Variants in MAP3K9 observed in about 807,000 individuals in gnomAD.
The protein encoded by MAP3K9 is mixed lineage kinase 1 (tyr and ser/thr specificity).
MAP3K9 carries 46 observed loss-of-function variants against 95.8 expected under a neutral mutation model. That is an observed-to-expected ratio of 0.48 (90% confidence interval 0.38 to 0.61). The LOEUF is 0.61. Ranked by LOEUF, MAP3K9 falls within the 20% of genes least tolerant of loss-of-function variation. MAP3K9 has a pLI of 0.00. For missense variants in MAP3K9, 1,296 were observed against 1,474.3 expected (o/e 0.88, Z 1.98); for synonymous variants, 533 against 593.8 (o/e 0.90, Z 1.49).
chr14:70,792,648 G>C (rs2054819357), intron 2 of MAP3K9, among the ~76,000 whole-genome samples: 1 of 152,218 alleles, frequency 6.6e-6, no homozygotes, highest in South Asian at 2.1e-4. Context: ...CTGAGCCTTA[G>C]CTGCTTCCTC....
At chr14:70,757,865 T>C (rs895098774) in intron 3 of MAP3K9, among the ~76,000 whole-genome samples, 2 of 152,150 alleles carry the variant, frequency 1.3e-5, no homozygotes, top group African/African-American at 4.8e-5. Flanking sequence ...AATAATAAAG[T>C]TGGACCCCTA....
chr14:70,793,325 A>G (rs1198641439), intron 2 of MAP3K9, among the ~76,000 whole-genome samples: 1 of 152,232 alleles, frequency 6.6e-6, no homozygotes, highest in African/African-American at 2.4e-5. Flanking sequence ...CCAGCATCCA[A>G]AACAGGTGGT....
At chr14:70,778,057 C>G (rs977289265) in intron 2 of MAP3K9, among the ~76,000 whole-genome samples, 6 of 151,538 alleles carry the variant, frequency 4.0e-5, no homozygotes, top group African/African-American at 1.5e-4. Context: ...TAGGACGGAA[C>G]CTCTCTCTCT....
intron 2 of MAP3K9, among the ~76,000 whole-genome samples, chr14:70,767,680 C>T (rs1173768183): frequency 3.3e-5 from 5 of 152,082 alleles, no homozygotes; most frequent in East Asian, 1.9e-4. Context: ...TAAGGAAAGA[C>T]AATGTGACAA....
chr14:70,736,755 A>G (rs1182655761), intron 8 of MAP3K9, among the ~76,000 whole-genome samples: 1 of 152,234 alleles, frequency 6.6e-6, no homozygotes, highest in African/African-American at 2.4e-5. Flanking sequence ...TCTTGCTCCT[A>G]CAAAACTTAG....
chr14:70,743,191 T>C (rs2054100318), intron 5 of MAP3K9, among the ~76,000 whole-genome samples: 1 of 152,058 alleles, frequency 6.6e-6, no homozygotes, highest in Non-Finnish European at 1.5e-5. Flanking sequence ...TTTTACCATG[T>C]TGGCCAGGCT....
In MAP3K9 at chr14:70,809,387, G is replaced by A. The variant is rs2139879215; in HGVS notation, c.-216C>T. The A allele has an allele frequency of 2.0e-6, 1 of 506,186 alleles. No individual in the cohort carries two copies. The highest frequency in any genetic ancestry group is 3.0e-6 in the Non-Finnish European group (1 of 330,512). The allele number at this position is 506,186 out of a possible 1,614,324, so 31.4% of individuals were successfully genotyped here. On this transcript the variant is annotated 5_prime_UTR_variant, in exon 1 of 12. Transcript: ENST00000554752. ...CGCGAGCTCTTCGCGCAGCCTAGGG[G>A]CGCAGCGGGCCGAGTCCCCGCCTGC... is the stretch of plus-strand genomic sequence containing the variant.
At chr14:70,751,917 C>G (rs1291483933) in intron 3 of MAP3K9, among the ~76,000 whole-genome samples, 1 of 152,164 alleles carries the variant, frequency 6.6e-6, no homozygotes, top group African/African-American at 2.4e-5. Context: ...CAGAGTACAT[C>G]ATGGTGGGCC....
Position 70,732,936 on chromosome 14 carries a change from T to TG in MAP3K9, c.2432dup (p.Ser812IlefsTer45), listed in dbSNP as rs752591387. On this transcript the variant is annotated frameshift_variant, in exon 11 of 12. Transcript: ENST00000554752. LOFTEE classifies it high-confidence loss of function. The stretch of plus-strand genomic sequence containing the variant: ...CCTCCTTCTTGAAAAGCTTTCGGGA[T>TG]GGGGGGCTGGTGCTCCGACGAGGAC... 2 of 1,613,966 alleles carry TG rather than the reference T, an allele frequency of 1.2e-6. No homozygotes were observed. The highest frequency in any genetic ancestry group is 1.1e-5 in the South Asian group (1 of 91,068).
chr14:70,761,825 T>C (rs1039530383), intron 2 of MAP3K9, among the ~76,000 whole-genome samples: 4 of 152,184 alleles, frequency 2.6e-5, no homozygotes, highest in Non-Finnish European at 4.4e-5. Flanking sequence ...ATTGTGTACA[T>C]TCACAATGTT....
intron 2 of MAP3K9, among the ~76,000 whole-genome samples, chr14:70,793,153 G>A (rs1566765300): frequency 6.6e-6 from 1 of 152,214 alleles, no homozygotes; most frequent in South Asian, 2.1e-4. Flanking sequence ...CGACAGCACC[G>A]GGCAGTGGTC....
chr14:70,733,754 C>G, intron 10 of MAP3K9: 3 of 718,280 alleles, frequency 4.2e-6, no homozygotes, highest in Non-Finnish European at 5.2e-6. Flanking sequence ...GAGGAAGACC[C>G]ACCTTCAATG....
chr14:70,736,833 A>G (rs754633597), intron 8 of MAP3K9, among the ~76,000 whole-genome samples: 6 of 152,176 alleles, frequency 3.9e-5, no homozygotes, highest in Non-Finnish European at 7.4e-5. Context: ...AGTTTGCCCT[A>G]CATATCTAAA....
Position 70,801,097 on chromosome 14 carries a change from A to G in MAP3K9, c.407-17T>C. 1 of 1,589,354 alleles carries G rather than the reference A, an allele frequency of 6.3e-7. No individual in the cohort carries two copies. The highest frequency in any genetic ancestry group is 8.6e-7 in the Non-Finnish European group (1 of 1,165,950). ...TTTCTAACACTGAGAAAGGGAAGAA[A>G]AAAAGAAGCAAGTCAAAAACATCTT... On this transcript the variant is annotated splice_polypyrimidine_tract_variant and intron_variant, in intron 1 of 11. Transcript: ENST00000554752.
rs369655791 is a variant in MAP3K9 at position 70,774,293 on chromosome 14, G to T, written c.821-13111C>A. ...CAGTGAGTGAGAAAGGATAAAGCAG[G>T]AGACCTTTGTTATTTATTACAAGGC... On this transcript the variant is annotated intron_variant, in intron 2 of 11. Coordinates refer to ENST00000554752, the MANE Select transcript of MAP3K9 (RefSeq NM_001284230.2). Among the ~76,000 whole-genome samples, 113 of 152,352 alleles carry T rather than the reference G, an allele frequency of 7.4e-4. 2 individuals are homozygous for T. The South Asian group carries it at 0.016, about 22-fold the overall frequency.
Position 70,748,894 on chromosome 14 carries a change from A to C in MAP3K9, c.1261T>G (p.Cys421Gly). ...TCGTGTTTCCAGTTGTCCTGCAGGC[A>C]GTGGAAGGAGTCCTTGGGCATTTCA... ...FFEMPKDSFH[C>G]LQDNWKHEIQ... is the part of the protein sequence containing the mutation. Residue 421 changes from cysteine to glycine, a missense_variant, in exon 5 of 12, where the codon TGC becomes GGC. Cys to Gly is a radical substitution (Grantham distance 159, BLOSUM62 -3). Transcript: ENST00000554752. The C allele has an allele frequency of 6.2e-7, 1 of 1,614,034 alleles. No individual in the cohort carries two copies. Among genetic ancestry groups the C allele is most frequent in the East Asian group, 2.2e-5 (1 of 44,878 alleles).
intron 1 of MAP3K9, among the ~76,000 whole-genome samples, chr14:70,803,337 T>TAAAAAAAAAAAAAA (rs10583563): frequency 2.7e-5 from 2 of 75,198 alleles, no homozygotes; most frequent in Non-Finnish European, 2.4e-5. Flanking sequence ...ATTCAGATCT[T>TAAAAAAAAAAAAAA]AAAAAAAAAA....
In MAP3K9 at chr14:70,742,591, C is replaced by T; in HGVS notation, c.1327G>A (p.Glu443Lys). 6.2e-7 allele frequency: 1 copy of T among 1,613,680 alleles called. No individual in the cohort carries two copies. The highest frequency in any genetic ancestry group is 8.5e-7 in the Non-Finnish European group (1 of 1,179,778). ...AGCTCCTCCTCCCAGGTGCGAAGTTCCTGCAGGATGGGCAGAACCATCAGA... is the reference window on the plus strand; with the variant it reads ...AGCTCCTCCTCCCAGGTGCGAAGTTTCTGCAGGATGGGCAGAACCATCAGA... Reference protein sequence around the residue: ...MFDQLRAKEKELRTWEEELTR... With the variant: ...MFDQLRAKEKKLRTWEEELTR... The change falls in exon 6 of 12, where the codon GAA becomes AAA. Residue 443 changes from glutamate (E) to lysine (K), a missense_variant and splice_region_variant. This residue lies in a region of MAP3K9 where 377 missense variants were observed against 417.1 expected (regional missense o/e 0.90). Coordinates refer to ENST00000554752, the MANE Select transcript of MAP3K9 (RefSeq NM_001284230.2).
chr14:70,771,050 CTT>C (rs1228398593), intron 2 of MAP3K9, among the ~76,000 whole-genome samples: 2 of 144,676 alleles, frequency 1.4e-5, no homozygotes, highest in Non-Finnish European at 1.5e-5. Flanking sequence ...AAAGGGATTG[CTT>C]TTTTTTTTTG....
Sources: gnomAD v4.1 joint callset for allele counts (sites outside exome capture counted in the v4.1 genomes callset) on GRCh38, gnomAD v4.1.1 for gene constraint, gnomAD v4.1.1 regional missense constraint, MANE v1.5 for transcripts, NCBI Gene and HGNC (gene_info 2026-07-23, HGNC 2026-07-21) for gene names.